The following SORCS3 variants were observed in gnomAD, a reference collection of about 807,000 sequenced individuals.
SORCS3 encodes the protein sortilin related VPS10 domain containing receptor 3.
In SORCS3, 57 loss-of-function variants were observed where a neutral mutation model predicts 146.3. That is an observed-to-expected ratio of 0.39 (90% CI 0.31 to 0.49). The LOEUF (loss-of-function observed/expected upper bound fraction) is 0.49. Ranked by LOEUF, SORCS3 falls within the 20% of genes least tolerant of loss-of-function variation. SORCS3 has a pLI of 0.92. For synonymous variants in SORCS3, 653 were observed against 618.5 expected (o/e 1.06, Z -0.83); for missense variants, 1,341 against 1,575.5 (o/e 0.85, Z 2.52).
chr10:105,028,397 G>A (rs148387291), intron 4 of SORCS3, among the ~76,000 whole-genome samples: 1 of 152,270 alleles, frequency 6.6e-6, no homozygotes, highest in African/African-American at 2.4e-5. Flanking sequence ...ACTTTATTAG[G>A]CATCATGCTG....
In SORCS3 at chr10:105,167,361, TCCCTA is replaced by T. The variant is rs753999229; in HGVS notation, c.1901+18_1901+22del. The T allele has an allele frequency of 6.2e-7, 1 of 1,607,014 alleles. No individual in the cohort carries two copies. Among genetic ancestry groups the T allele is most frequent in the South Asian group, 1.1e-5 (1 of 90,580 alleles). On this transcript the variant is annotated intron_variant, in intron 13 of 26. Coordinates refer to ENST00000369701, the MANE Select transcript of SORCS3 (RefSeq NM_014978.3). Reference sequence around the variant, plus strand: ...GTCAGGCATTTGTGGTAAGGAGAGCTCCCTACCCTATTAATGAGCTAATGAGCAGC... The same window carrying T: ...GTCAGGCATTTGTGGTAAGGAGAGCTCCCTATTAATGAGCTAATGAGCAGC...
At chr10:104,760,700 C>T (rs1185390185) in intron 1 of SORCS3, among the ~76,000 whole-genome samples, 1 of 152,142 alleles carries the variant, frequency 6.6e-6, no homozygotes, top group Non-Finnish European at 1.5e-5. Flanking sequence ...GAGGCAGACA[C>T]TGTGATGGCA....
At chr10:104,714,936 C>T (rs909910152) in intron 1 of SORCS3, among the ~76,000 whole-genome samples, 1 of 152,112 alleles carries the variant, frequency 6.6e-6, no homozygotes, top group Non-Finnish European at 1.5e-5. Flanking sequence ...GTCAAGAGGA[C>T]AGGGAGGAGC....
At chr10:105,253,655 G>T (rs2056913757) in intron 23 of SORCS3, among the ~76,000 whole-genome samples, 1 of 152,104 alleles carries the variant, frequency 6.6e-6, no homozygotes, top group Non-Finnish European at 1.5e-5. Flanking sequence ...GCAGAAAATC[G>T]GCATGAATCA....
At chr10:105,234,358 T>A (rs549856006) in intron 20 of SORCS3, among the ~76,000 whole-genome samples, 1 of 152,148 alleles carries the variant, frequency 6.6e-6, no homozygotes, top group South Asian at 2.1e-4. Context: ...CATCTAGGTG[T>A]AGATTTTTCA....
At chr10:104,770,495 T>C (rs2017235465) in intron 1 of SORCS3, among the ~76,000 whole-genome samples, 1 of 152,032 alleles carries the variant, frequency 6.6e-6, no homozygotes, top group African/African-American at 2.4e-5. Flanking sequence ...GAGTCACATA[T>C]GAAATGTAAA....
intron 1 of SORCS3, among the ~76,000 whole-genome samples, chr10:104,815,676 T>C (rs1277843321): frequency 6.6e-6 from 1 of 152,124 alleles, no homozygotes; most frequent in Non-Finnish European, 1.5e-5. Context: ...CACACTTTTT[T>C]TTAAGGTAGG....
chr10:105,186,283 G>T (rs537924092), intron 14 of SORCS3, among the ~76,000 whole-genome samples: 1 of 152,122 alleles, frequency 6.6e-6, no homozygotes, highest in Non-Finnish European at 1.5e-5. Context: ...AGAATGCCAG[G>T]GCTTTTTATT....
intron 1 of SORCS3, among the ~76,000 whole-genome samples, chr10:104,692,016 G>A (rs1438862512): frequency 6.6e-6 from 1 of 152,004 alleles, no homozygotes; most frequent in Non-Finnish European, 1.5e-5. Context: ...ACCCTGCAAT[G>A]TGGACACATA....
chr10:104,673,310 A>G (rs77972506), intron 1 of SORCS3, among the ~76,000 whole-genome samples: 2 of 152,080 alleles, frequency 1.3e-5, no homozygotes, highest in Non-Finnish European at 2.9e-5. Flanking sequence ...TGTTTTCTAT[A>G]TATGCCTTAC....
chr10:105,168,605 A>G (rs1300016570), intron 13 of SORCS3, among the ~76,000 whole-genome samples: 1 of 152,112 alleles, frequency 6.6e-6, no homozygotes, highest in Non-Finnish European at 1.5e-5. Context: ...AGTTTAGAGT[A>G]AGAATTTTAC....
chr10:104,755,922 A>G (rs1217809280), intron 1 of SORCS3, among the ~76,000 whole-genome samples: 1 of 152,152 alleles, frequency 6.6e-6, no homozygotes, highest in Non-Finnish European at 1.5e-5. Context: ...GCTTTTAAGT[A>G]CCCTTAATTA....
intron 1 of SORCS3, among the ~76,000 whole-genome samples, chr10:104,714,808 T>C (rs2016457783): frequency 6.6e-6 from 1 of 152,228 alleles, no homozygotes; most frequent in African/African-American, 2.4e-5. Context: ...CCTTTCTCTC[T>C]GAGCCCATAC....
intron 3 of SORCS3, among the ~76,000 whole-genome samples, chr10:104,929,757 C>T (rs1266811866): frequency 6.6e-6 from 1 of 152,250 alleles, no homozygotes; most frequent in African/African-American, 2.4e-5. Flanking sequence ...CAACAGCAAG[C>T]CCACCCATGG....
chr10:105,199,228 CT>C (rs796118136), intron 14 of SORCS3, among the ~76,000 whole-genome samples: 105 of 144,106 alleles, frequency 7.3e-4, no homozygotes, highest in East Asian at 1.2e-3. Context: ...GATGATCAGT[CT>C]TTTTTTTTTT....
chr10:104,671,509 ATT>A (rs141898694), intron 1 of SORCS3, among the ~76,000 whole-genome samples: 8 of 143,340 alleles, frequency 5.6e-5, no homozygotes, highest in East Asian at 4.1e-4. Flanking sequence ...TAACTTAAAT[ATT>A]TTTTTTTTTC....
At chr10:105,214,411 C>G (rs777664755) in intron 17 of SORCS3, 31 bp from the exon 18 acceptor site, 37 of 1,612,086 alleles carry the variant, frequency 2.3e-5, no homozygotes, top group Non-Finnish European at 3.1e-5. Flanking sequence ...ACAATCAACA[C>G]AAACCACTAT....
chr10:105,053,437 AT>A (rs573410540), intron 5 of SORCS3, among the ~76,000 whole-genome samples: 10 of 149,106 alleles, frequency 6.7e-5, no homozygotes, highest in South Asian at 2.1e-4. Flanking sequence ...CACACTAGCC[AT>A]TTTTTTTTTC....
chr10:104,881,355 A>ACT (rs2018628304), intron 2 of SORCS3, among the ~76,000 whole-genome samples: 1 of 152,182 alleles, frequency 6.6e-6, no homozygotes, highest in South Asian at 2.1e-4. Context: ...CTATTTGTGA[A>ACT]CTCTAGCTCA....
Sources: gnomAD v4.1 joint callset for allele counts (sites outside exome capture counted in the v4.1 genomes callset) on GRCh38, gnomAD v4.1.1 for gene constraint, MANE v1.5 for transcripts, NCBI Gene and HGNC (gene_info 2026-07-23, HGNC 2026-07-21) for gene names.